The following SCN3A variants were observed in gnomAD, a reference collection of about 807,000 sequenced individuals.
SCN3A encodes sodium voltage-gated channel alpha subunit 3.
A neutral mutation model predicts 187.6 loss-of-function variants in SCN3A; 60 were observed. The ratio of observed to expected loss-of-function variants is 0.32; its 90% CI spans 0.26 to 0.40. The LOEUF (loss-of-function observed/expected upper bound fraction) is 0.40. Ranked by LOEUF, SCN3A falls within the 10% of genes least tolerant of loss-of-function variation. The pLI, the probability that SCN3A is intolerant of heterozygous loss-of-function variation, is 1.00. For synonymous variants in SCN3A, 788 were observed against 829.2 expected (o/e 0.95, Z 0.85); for missense variants, 1,601 against 2,428.2 (o/e 0.66, Z 7.16).
chr2:165,160,694 G>A (rs1007252603), intron 9 of SCN3A, among the ~76,000 whole-genome samples: 2 of 151,984 alleles, frequency 1.3e-5, no homozygotes, highest in African/African-American at 4.8e-5. Context: ...AGGCTGGAGT[G>A]TAGTGGTGCC....
intron 1 of SCN3A, among the ~76,000 whole-genome samples, chr2:165,200,267 A>C (rs1443386799): frequency 6.6e-6 from 1 of 152,254 alleles, no homozygotes; most frequent in South Asian, 2.1e-4. Context: ...TAAAACAACC[A>C]TTAATATTAA....
intron 1 of SCN3A, among the ~76,000 whole-genome samples, chr2:165,191,962 C>T (rs1334283523): frequency 6.6e-6 from 1 of 151,618 alleles, no homozygotes; most frequent in Admixed American, 6.6e-5. Context: ...GGAAATTCAG[C>T]CCAATCTTTA....
intron 11 of SCN3A, among the ~76,000 whole-genome samples, chr2:165,148,474 C>G (rs1299862212): frequency 6.6e-6 from 1 of 151,870 alleles, no homozygotes; most frequent in East Asian, 1.9e-4. Flanking sequence ...GAAGCAAACT[C>G]TCCTAAGTAG....
At chr2:165,139,342 C>A (rs1435333891) in intron 14 of SCN3A, 134 bp downstream of exon 14, 4 of 1,196,994 alleles carry the variant, frequency 3.3e-6, no homozygotes, top group Non-Finnish European at 4.9e-6. Flanking sequence ...ATAATGTACT[C>A]CATATATCAC....
intron 10 of SCN3A, among the ~76,000 whole-genome samples, 182 bp from the exon 11 acceptor site, chr2:165,154,840 G>A (rs981870359): frequency 5.3e-5 from 8 of 152,048 alleles, no homozygotes; most frequent in Non-Finnish European, 1.2e-4. Flanking sequence ...ATTATTTGAG[G>A]CTTGACTGCA....
Position 165,160,078 on chromosome 2 carries a change from G to A in SCN3A, c.1031+2230C>T, listed in dbSNP as rs938167015. On this transcript the variant is annotated intron_variant, in intron 9 of 27. Transcript: ENST00000283254. ...CGGGAGGCGGAACTTGCAGTGAGCC[G>A]AGATCGCGCCACTGCACTCCAGCCT... Among the ~76,000 whole-genome samples, 4 of 134,766 alleles carry A rather than the reference G, an allele frequency of 3.0e-5. 1 individual carries two copies. In the South Asian group the frequency reaches 9.4e-4, roughly 32 times the overall value. 88.4% of individuals were successfully genotyped at this position (134,766 alleles called of 152,430 possible).
At chr2:165,164,808 A>G (rs934549274) in intron 5 of SCN3A, among the ~76,000 whole-genome samples, 3 of 152,180 alleles carry the variant, frequency 2.0e-5, no homozygotes, top group Non-Finnish European at 1.5e-5. Flanking sequence ...TTGACCTTCT[A>G]GCGCAGCAGT....
At chr2:165,107,623 C>A (rs535875401) in intron 21 of SCN3A, among the ~76,000 whole-genome samples, 1 of 152,206 alleles carries the variant, frequency 6.6e-6, no homozygotes, top group Non-Finnish European at 1.5e-5. Context: ...ACCACTTATA[C>A]GCAATCACCT....
Position 165,129,945 on chromosome 2 carries a change from G to A in SCN3A, c.2917C>T (p.Leu973Phe). 6.2e-7 allele frequency: 1 copy of A among 1,614,016 alleles called. No individual in the cohort carries two copies. Residue 973 changes from leucine to phenylalanine, a missense_variant, in exon 17 of 28, where the codon CTT (leucine) becomes TTT (phenylalanine). Leu to Phe is a conservative substitution (Grantham distance 22). Transcript: ENST00000283254. Reference protein sequence around the residue: ...VFMLVMVIGNLVVLNLFLALL... With the variant: ...VFMLVMVIGNFVVLNLFLALL... ...CATTTGTACTACATACATACCACAA[G>A]GTTTCCAATGACCATGACCAACATG...
intron 12 of SCN3A, among the ~76,000 whole-genome samples, chr2:165,143,198 T>A (rs375775683): frequency 6.6e-6 from 1 of 152,198 alleles, no homozygotes; most frequent in East Asian, 1.9e-4. Flanking sequence ...ACATTCCAGG[T>A]GACCCTAACA....
Position 165,112,856 on chromosome 2 carries a change from A to G in SCN3A, c.3843+29T>C, listed in dbSNP as rs138458567. Reference sequence around the variant, plus strand: ...GTCAAACTTGCCTCTTTTAAAAACAATTTTATAAAAATCACTTAAAATACT... The same window carrying G: ...GTCAAACTTGCCTCTTTTAAAAACAGTTTTATAAAAATCACTTAAAATACT... On this transcript the variant is annotated intron_variant, in intron 21 of 27. Coordinates refer to ENST00000283254, the MANE Select transcript of SCN3A (RefSeq NM_006922.4). 6.8e-4 allele frequency: 1,094 copies of G among 1,600,268 alleles called. 5 individuals are homozygous for G. The African/African-American group carries it at 0.013, about 18-fold the overall frequency.
chr2:165,187,510 C>T (rs1421177060), intron 1 of SCN3A, among the ~76,000 whole-genome samples: 1 of 152,192 alleles, frequency 6.6e-6, no homozygotes, highest in Non-Finnish European at 1.5e-5. Context: ...CATGAATTCT[C>T]ACCAGTAAAT....
intron 25 of SCN3A, 105 bp from the exon 26 acceptor site, chr2:165,094,583 A>G: frequency 1.3e-6 from 1 of 752,324 alleles, no homozygotes; most frequent in Non-Finnish European, 2.3e-6. Context: ...AGTGGATATT[A>G]TCCTCCTACA....
chr2:165,163,519 A>T, intron 7 of SCN3A, 99 bp downstream of exon 7: 1 of 1,343,978 alleles, frequency 7.4e-7, no homozygotes, highest in Non-Finnish European at 1.0e-6. Context: ...TAACGGGATG[A>T]ACTGTAATAA....
intron 15 of SCN3A, among the ~76,000 whole-genome samples, chr2:165,132,764 A>G (rs972446438): frequency 6.6e-6 from 1 of 152,212 alleles, no homozygotes; most frequent in Non-Finnish European, 1.5e-5. Context: ...TGGCGACAAA[A>G]GCCAAAATTG....
At chr2:165,091,535 A>G (rs1391620859) in intron 27 of SCN3A, among the ~76,000 whole-genome samples, 190 bp from the exon 28 acceptor site, 1 of 152,206 alleles carries the variant, frequency 6.6e-6, no homozygotes, top group Non-Finnish European at 1.5e-5. Flanking sequence ...TAATGTCATA[A>G]ACCAATATGA....
At chr2:165,154,167 T>C (rs1574240844) in intron 11 of SCN3A, among the ~76,000 whole-genome samples, 1 of 151,974 alleles carries the variant, frequency 6.6e-6, no homozygotes, top group Non-Finnish European at 1.5e-5. Flanking sequence ...CTAAATTAAA[T>C]AAAAAATTAA....
chr2:165,154,589 A>G lies in SCN3A; in HGVS notation c.1243T>C (p.Leu415=), dbSNP rs1688902621. The G allele has an allele frequency of 3.7e-6, 6 of 1,614,152 alleles. No individual in the cohort carries two copies. The highest frequency in any genetic ancestry group is 2.2e-5 in the East Asian group (1 of 44,872). Residue 415 remains leucine (L), a synonymous_variant, in exon 11 of 28, where the codon TTG becomes CTG. Transcript: ENST00000283254. The stretch of plus-strand genomic sequence containing the variant: ...ACCACAGCCAGGATCAAATTCACCA[A>G]ATAAAATGAGCCCAAGAAAATGACC... The part of the protein sequence containing the change: ...VLVIFLGSFY[L]VNLILAVVAM...
intron 2 of SCN3A, among the ~76,000 whole-genome samples, chr2:165,179,195 A>G (rs147362448): frequency 6.6e-6 from 1 of 152,280 alleles, no homozygotes; most frequent in Non-Finnish European, 1.5e-5. Context: ...CTTTATTGAC[A>G]ATGAATGAAA....
Sources: gnomAD v4.1 joint callset for allele counts (sites outside exome capture counted in the v4.1 genomes callset) on GRCh38, gnomAD v4.1.1 for gene constraint, MANE v1.5 for transcripts, NCBI Gene and HGNC (gene_info 2026-07-23, HGNC 2026-07-21) for gene names.